Variants in AKAP9 observed in about 807,000 individuals in gnomAD.
AKAP9 encodes A-kinase anchor protein 9.
AKAP9 carries 311 observed loss-of-function variants against 488.5 expected under a neutral mutation model. That is an observed-to-expected ratio of 0.64 (90% CI 0.58 to 0.70). The LOEUF (loss-of-function observed/expected upper bound fraction) is 0.70, where lower values mean the gene tolerates loss of function less well. Ranked by LOEUF, AKAP9 falls within the 30% of genes least tolerant of loss-of-function variation. The pLI, the probability that AKAP9 is intolerant of heterozygous loss-of-function variation, is 0.00. For missense variants in AKAP9, 4,215 were observed against 4,374.5 expected (o/e 0.96, Z 1.03); for synonymous variants, 1,462 against 1,483.5 (o/e 0.99, Z 0.33).
chr7:92,004,191 G>C (rs1485978548), intron 8 of AKAP9, among the ~76,000 whole-genome samples: 4 of 152,192 alleles, frequency 2.6e-5, no homozygotes, highest in African/African-American at 9.6e-5. Context: ...GTACCATGCT[G>C]TTTTGGTTAC....
intron 26 of AKAP9, 131 bp downstream of exon 26, chr7:92,066,677 ATTAC>A: frequency 8.4e-7 from 1 of 1,183,578 alleles, no homozygotes; most frequent in African/African-American, 1.5e-5. Flanking sequence ...AAAACTTAAT[ATTAC>A]TTAAGCATGA....
rs576553156 is a variant in AKAP9, at chr7:92,014,453, C to A, written c.3612+125C>A. The stretch of plus-strand genomic sequence containing the variant: ...GACCAGCCTGGCCAACGTGGTGAAA[C>A]CCCGTCTCTACCAAAAAATACAAAA... On this transcript the variant is annotated intron_variant, in intron 10 of 49. Coordinates refer to ENST00000356239, the MANE Select transcript of AKAP9 (RefSeq NM_005751.5). The A allele has an allele frequency of 1.1e-5, 8 of 705,702 alleles. No individual in the cohort carries two copies. The East Asian group carries it at 2.0e-4, about 18-fold the overall frequency. The allele number at this position is 705,702 out of a possible 1,614,324, so 43.7% of individuals were successfully genotyped here.
intron 7 of AKAP9, among the ~76,000 whole-genome samples, chr7:91,998,418 CTTTTTTTTTTTTTTT>C (rs60778133): frequency 0.061 from 3,278 of 53,960 alleles, 189 homozygotes; most frequent in African/African-American, 0.17. Context: ...CCACAGGGCT[CTTTTTTTTTTTTTTT>C]TTTTTTTTTT....
At chr7:92,061,944 T>A (rs1421999616) in intron 23 of AKAP9, among the ~76,000 whole-genome samples, 1 of 152,174 alleles carries the variant, frequency 6.6e-6, no homozygotes, top group Non-Finnish European at 1.5e-5. Flanking sequence ...ATCTAATTTG[T>A]ATTAAGCTTT....
chr7:92,080,532 A>G (rs1813351612), intron 31 of AKAP9, among the ~76,000 whole-genome samples: 1 of 151,878 alleles, frequency 6.6e-6, no homozygotes. Flanking sequence ...CGGGAGGCAG[A>G]GCTTGCAGTG....
chr7:92,083,683 T>G (rs773816052), intron 33 of AKAP9, 28 bp downstream of exon 33: 1 of 1,602,794 alleles, frequency 6.2e-7, no homozygotes, highest in Non-Finnish European at 8.5e-7. Context: ...TATGTGTTTT[T>G]CAACATTGTG....
At chr7:92,109,579 C>G (rs1819044411) in intron 49 of AKAP9, among the ~76,000 whole-genome samples, 1 of 152,160 alleles carries the variant, frequency 6.6e-6, no homozygotes. Flanking sequence ...TTAGTCTCAC[C>G]TACCTTGCCA....
rs1212701771 is a variant in AKAP9, at chr7:91,968,769, T to C, written c.49-4942T>C. On this transcript the variant is annotated intron_variant, in intron 1 of 49. Coordinates refer to ENST00000356239, the MANE Select transcript of AKAP9 (RefSeq NM_005751.5). ...ACTGCTTTTGCTTTATCACATAGAT[T>C]TTGGTATGTTGTATTTCCATTTTCA... 2.0e-5 allele frequency among the ~76,000 whole-genome samples: 3 copies of C among 152,226 alleles called. No individual in the cohort carries two copies. The South Asian group carries it at 6.2e-4, about 31-fold the overall frequency.
chr7:91,992,707 G>A (rs368489892), intron 4 of AKAP9, among the ~76,000 whole-genome samples, 178 bp from the exon 5 acceptor site: 10 of 151,506 alleles, frequency 6.6e-5, no homozygotes, highest in African/African-American at 1.5e-4. Context: ...CAGAATTTGC[G>A]GATAACCTGT....
intron 1 of AKAP9, among the ~76,000 whole-genome samples, chr7:91,967,393 G>A (rs1289478108): frequency 6.6e-6 from 1 of 152,158 alleles, no homozygotes; most frequent in East Asian, 1.9e-4. Context: ...AGACTTAGAG[G>A]AAAGGCTTTT....
At chr7:91,974,071 C>G in intron 2 of AKAP9, 103 bp downstream of exon 2, 1 of 1,403,600 alleles carries the variant, frequency 7.1e-7, no homozygotes, top group Non-Finnish European at 1.0e-6. Flanking sequence ...ATTTTTATGT[C>G]CTCTTGAAAG....
chr7:92,030,200 T>C (rs1470395098), intron 15 of AKAP9, among the ~76,000 whole-genome samples: 3 of 152,166 alleles, frequency 2.0e-5, no homozygotes, highest in African/African-American at 7.2e-5. Context: ...GAAGTTAAGT[T>C]TGGGGGTTAT....
In AKAP9 at chr7:92,016,188, A is replaced by G. The variant is rs892241767; in HGVS notation, c.3672A>G (p.Ala1224=). The G allele has an allele frequency of 1.9e-6, 3 of 1,591,888 alleles. No individual in the cohort carries two copies. The African/African-American group carries it at 4.0e-5, about 21-fold the overall frequency. Residue 1224 remains alanine, a synonymous_variant, in exon 11 of 50, where the codon GCA becomes GCG. Transcript: ENST00000356239. Reference sequence around the variant, plus strand: ...CTGCTTTAAAATGTGAAGTAAATGCAGAAGACAAAGAGAATTCTGGTGATT... The same window carrying G: ...CTGCTTTAAAATGTGAAGTAAATGCGGAAGACAAAGAGAATTCTGGTGATT... The part of the protein sequence containing the change: ...YTPALKCEVN[A]EDKENSGDYI...
chr7:92,095,228 T>A, intron 40 of AKAP9, 55 bp downstream of exon 40: 2 of 1,595,898 alleles, frequency 1.3e-6, no homozygotes, highest in African/African-American at 2.7e-5. Context: ...TAGAAGAGGG[T>A]CTTAAGGCTT....
Position 92,062,543 on chromosome 7 carries a change from A to G in AKAP9, c.5977+57A>G, listed in dbSNP as rs546149038. The G allele has an allele frequency of 3.3e-6, 5 of 1,493,756 alleles. No individual in the cohort carries two copies. In the African/African-American group the frequency reaches 5.5e-5, roughly 17 times the overall value. 92.5% of individuals were successfully genotyped at this position (1,493,756 alleles called of 1,614,324 possible). A position where few individuals can be genotyped will look rare whatever the true frequency, so the allele number is the denominator to read the frequency against. Reference sequence around the variant, plus strand: ...CCTCTGATTTTATTTGTATTCTTCAAAGGCTTAAGGTGGCTTTTTTCCTCT... The same window carrying G: ...CCTCTGATTTTATTTGTATTCTTCAGAGGCTTAAGGTGGCTTTTTTCCTCT... On this transcript the variant is annotated intron_variant, in intron 24 of 49. Transcript: ENST00000356239.
At chr7:91,963,495 C>T (rs1317048072) in intron 1 of AKAP9, among the ~76,000 whole-genome samples, 2 of 144,904 alleles carry the variant, frequency 1.4e-5, no homozygotes, top group African/African-American at 5.6e-5. Context: ...CACACACACA[C>T]ACACACACAC....
intron 1 of AKAP9, among the ~76,000 whole-genome samples, chr7:91,941,695 T>A (rs898796576): frequency 4.5e-4 from 68 of 152,162 alleles, no homozygotes; most frequent in Non-Finnish European, 8.8e-4. Flanking sequence ...AGGGGCGTTT[T>A]TAGAAGCGTG....
chr7:92,074,643 A>C lies in AKAP9; in HGVS notation c.6613-2212A>C, dbSNP rs555117068. Among the ~76,000 whole-genome samples, 18 of 152,332 alleles carry C rather than the reference A, an allele frequency of 1.2e-4. No homozygotes were observed. The South Asian group carries it at 3.3e-3, about 28-fold the overall frequency. On this transcript the variant is annotated intron_variant, in intron 28 of 49. Transcript: ENST00000356239. The stretch of plus-strand genomic sequence containing the variant: ...TCCATTAATGATAAACTGGATAAAG[A>C]AAATGTGGCACATATACACCATGGA...
At chr7:91,945,899 A>G (rs1791396367) in intron 1 of AKAP9, among the ~76,000 whole-genome samples, 1 of 152,240 alleles carries the variant, frequency 6.6e-6, no homozygotes, top group Admixed American at 6.5e-5. Flanking sequence ...TATATTTAAT[A>G]TAAAATTATT....
Sources: gnomAD v4.1 joint callset for allele counts (sites outside exome capture counted in the v4.1 genomes callset) on GRCh38, gnomAD v4.1.1 for gene constraint, MANE v1.5 for transcripts, NCBI Gene and HGNC (gene_info 2026-07-23, HGNC 2026-07-21) for gene names.